The following GSE1 variants were observed in gnomAD, a reference collection of about 807,000 sequenced individuals.
GSE1 encodes the protein Gse1 coiled-coil protein.
In GSE1, 32 loss-of-function variants were observed where a neutral mutation model predicts 112.6. The observed-to-expected ratio is 0.28, with a 90% confidence interval of 0.21 to 0.38. The LOEUF is 0.38. GSE1 is among the 10% of genes least tolerant of loss of function. The probability of loss-of-function intolerance (pLI) is 1.00; values close to 1 mark genes in which losing one functional copy is unlikely to be tolerated. For missense variants in GSE1, 2,348 were observed against 1,699.2 expected (o/e 1.38, Z -6.71); for synonymous variants, 1,115 against 735.6 (o/e 1.52, Z -8.35).
chr16:85,559,404 C>T (rs553036278), intron 1 of GSE1, among the ~76,000 whole-genome samples: 2 of 152,340 alleles, frequency 1.3e-5, no homozygotes, highest in South Asian at 2.1e-4. Context: ...TGGCTTGCTT[C>T]GGGCCTGTGG....
intron 2 of GSE1, among the ~76,000 whole-genome samples, chr16:85,394,063 C>T (rs957236214): frequency 2.6e-5 from 4 of 152,152 alleles, no homozygotes; most frequent in South Asian, 2.1e-4. Context: ...GCGTCGATAC[C>T]GTTCGGGCTC....
intron 2 of GSE1, among the ~76,000 whole-genome samples, chr16:85,466,676 A>T (rs55732528): frequency 0.014 from 1,873 of 133,610 alleles, 14 homozygotes; most frequent in Non-Finnish European, 0.02. Context: ...TTTGCAAATT[A>T]AAAAAAAAAA....
intron 2 of GSE1, among the ~76,000 whole-genome samples, chr16:85,364,817 C>T (rs1000302817): frequency 5.3e-5 from 8 of 152,164 alleles, no homozygotes; most frequent in African/African-American, 1.2e-4. Context: ...ACTCTGTCCC[C>T]GGCAGAAGGG....
At chr16:85,449,067 C>T (rs1350879388) in intron 2 of GSE1, among the ~76,000 whole-genome samples, 3 of 152,118 alleles carry the variant, frequency 2.0e-5, no homozygotes, top group African/African-American at 4.8e-5. Context: ...AGGAGGGAGC[C>T]GGGCTGGAAA....
intron 2 of GSE1, among the ~76,000 whole-genome samples, chr16:85,494,051 G>C (rs2051094280): frequency 6.6e-6 from 1 of 152,256 alleles, no homozygotes; most frequent in South Asian, 2.1e-4. Flanking sequence ...TCCCGCCTGG[G>C]CGATAAAGTA....
chr16:85,196,102 G>C (rs1009902600), intron 1 of GSE1, among the ~76,000 whole-genome samples: 1 of 152,344 alleles, frequency 6.6e-6, no homozygotes, highest in African/African-American at 2.4e-5. Flanking sequence ...GCTCTAAATA[G>C]TCTCAGGGCA....
chr16:85,482,893 G>A (rs1372006826), intron 2 of GSE1, among the ~76,000 whole-genome samples: 4 of 151,578 alleles, frequency 2.6e-5, no homozygotes, highest in East Asian at 3.9e-4. Flanking sequence ...CAGGAGAATC[G>A]CTTGAACCCA....
At chr16:85,586,485 G>A (rs911338477) in intron 1 of GSE1, among the ~76,000 whole-genome samples, 2 of 152,102 alleles carry the variant, frequency 1.3e-5, no homozygotes, top group South Asian at 2.1e-4. Flanking sequence ...CGTCATCATC[G>A]GTCGGCCCTG....
chr16:85,535,041 C>T (rs931577768), intron 2 of GSE1, among the ~76,000 whole-genome samples: 1 of 152,200 alleles, frequency 6.6e-6, no homozygotes, highest in Non-Finnish European at 1.5e-5. Flanking sequence ...GGGACTGTCT[C>T]ACATACACAG....
intron 1 of GSE1, among the ~76,000 whole-genome samples, chr16:85,191,500 T>A (rs1002061964): frequency 1.3e-5 from 2 of 152,190 alleles, no homozygotes; most frequent in Non-Finnish European, 2.9e-5. Context: ...TTTTGGAAAG[T>A]TCAGAGAGGA....
chr16:85,262,388 C>T (rs1907790551), intron 1 of GSE1, among the ~76,000 whole-genome samples: 1 of 152,160 alleles, frequency 6.6e-6, no homozygotes, highest in South Asian at 2.1e-4. Flanking sequence ...CTAGAGTTTG[C>T]ATCGCTTTTG....
chr16:85,616,816 C>T (rs1217343542), intron 1 of GSE1, among the ~76,000 whole-genome samples: 5 of 152,222 alleles, frequency 3.3e-5, no homozygotes, highest in East Asian at 1.9e-4. Flanking sequence ...TGGGAGGTGA[C>T]GTTTCGGAGT....
chr16:85,497,046 G>A (rs551867462), intron 2 of GSE1, among the ~76,000 whole-genome samples: 9 of 152,258 alleles, frequency 5.9e-5, no homozygotes, highest in East Asian at 1.9e-4. Flanking sequence ...TCACAGGCAC[G>A]TGCCACCACG....
intron 1 of GSE1, among the ~76,000 whole-genome samples, chr16:85,310,360 A>G (rs2045803957): frequency 6.6e-6 from 1 of 152,228 alleles, no homozygotes; most frequent in Non-Finnish European, 1.5e-5. Context: ...AGCTGGCGAT[A>G]CTGGAGAAAC....
intron 2 of GSE1, among the ~76,000 whole-genome samples, chr16:85,404,136 T>TAATCCTCACCGTTACACTCAGGCCCCCC (rs2048190504): frequency 1.3e-5 from 1 of 77,634 alleles, no homozygotes; most frequent in Non-Finnish European, 2.8e-5. Flanking sequence ...AGGGCCCCCC[T>TAATCCTCACCGTTACACTCAGGCCCCCC]GGATAATCCA....
At chr16:85,295,114 T>A (rs537458224) in intron 1 of GSE1, among the ~76,000 whole-genome samples, 1 of 152,258 alleles carries the variant, frequency 6.6e-6, no homozygotes, top group Non-Finnish European at 1.5e-5. Context: ...TCAACCTGAA[T>A]TTGAGGGAGA....
intron 1 of GSE1, among the ~76,000 whole-genome samples, chr16:85,174,175 C>A (rs1033148925): frequency 6.6e-6 from 1 of 152,082 alleles, no homozygotes; most frequent in South Asian, 2.1e-4. Flanking sequence ...CCTCCGTGGG[C>A]GGGAGGTGCC....
chr16:85,367,714 T>C (rs918457775), intron 2 of GSE1, among the ~76,000 whole-genome samples: 5 of 152,182 alleles, frequency 3.3e-5, no homozygotes, highest in African/African-American at 1.2e-4. Context: ...CCTCGTGATC[T>C]CTCCAGTGCG....
At chr16:85,536,040 G>A (rs1002518109) in intron 2 of GSE1, among the ~76,000 whole-genome samples, 1 of 152,246 alleles carries the variant, frequency 6.6e-6, no homozygotes, top group Non-Finnish European at 1.5e-5. Flanking sequence ...GGCTGCAAGA[G>A]GGGACAGTAG....
Sources: gnomAD v4.1 joint callset for allele counts (sites outside exome capture counted in the v4.1 genomes callset) on GRCh38, gnomAD v4.1.1 for gene constraint, MANE v1.5 for transcripts, NCBI Gene and HGNC (gene_info 2026-07-23, HGNC 2026-07-21) for gene names.